Variants in CCDC39 observed in about 807,000 individuals in gnomAD.
CCDC39 encodes coiled-coil domain-containing protein 39.
CCDC39 carries 113 observed loss-of-function variants against 121.0 expected under a neutral mutation model. The observed-to-expected ratio is 0.93, with a 90% CI of 0.80 to 1.09. The LOEUF is 1.09. CCDC39 is among the 50% of genes least tolerant of loss of function. The probability of loss-of-function intolerance (pLI) is 0.00; values close to 1 mark genes in which losing one functional copy is unlikely to be tolerated. For synonymous variants in CCDC39, 349 were observed against 352.2 expected (o/e 0.99, Z 0.10); for missense variants, 1,063 against 1,074.7 (o/e 0.99, Z 0.15).
chr3:180,615,180 T>A, intron 19 of CCDC39, 103 bp from the exon 20 acceptor site: 3 of 801,182 alleles, frequency 3.7e-6, no homozygotes, highest in Non-Finnish European at 5.7e-6. Flanking sequence ...AGTAAAGACA[T>A]CAAAAAAGTA....
intron 6 of CCDC39, among the ~76,000 whole-genome samples, chr3:180,658,752 G>A (rs1308788643): frequency 6.6e-6 from 1 of 152,088 alleles, no homozygotes; most frequent in Non-Finnish European, 1.5e-5. Flanking sequence ...CCAGATACCA[G>A]AATTTAAACT....
At chr3:180,669,754 G>C (rs1560094980) in intron 1 of CCDC39, among the ~76,000 whole-genome samples, 1 of 151,656 alleles carries the variant, frequency 6.6e-6, no homozygotes, top group Non-Finnish European at 1.5e-5. Context: ...TAATTGTCCT[G>C]TTTCACAATT....
At chr3:180,670,241 C>G (rs1194418381) in intron 1 of CCDC39, among the ~76,000 whole-genome samples, 13 of 151,582 alleles carry the variant, frequency 8.6e-5, no homozygotes, top group Non-Finnish European at 1.8e-4. Context: ...ATGTAATATA[C>G]TTAATATTTT....
chr3:180,671,900 G>A (rs549367536), intron 1 of CCDC39, among the ~76,000 whole-genome samples: 1 of 152,348 alleles, frequency 6.6e-6, no homozygotes, highest in South Asian at 2.1e-4. Context: ...AAGTTCTGAT[G>A]TAGAGGCTGC....
In CCDC39 at chr3:180,659,678, T is replaced by C. The variant is rs1216869791; in HGVS notation, c.608A>G (p.Gln203Arg). 3 of 1,608,578 alleles carry C rather than the reference T, an allele frequency of 1.9e-6. No homozygotes were observed. Among genetic ancestry groups the C allele is most frequent in the African/African-American group, 2.7e-5 (2 of 74,572 alleles). ...AATAAAAATCTTCCTTAAACTAACCTGTGCGCTTATAGTCTCTGTAAGTTC... is the reference window on the plus strand; with the variant it reads ...AATAAAAATCTTCCTTAAACTAACCCGTGCGCTTATAGTCTCTGTAAGTTC... ...DNELTETISA[Q>R]LELDKAAQDF... is the part of the protein sequence containing the mutation. The change falls in exon 5 of 20, where the codon CAG (glutamine) becomes CGG (arginine). Residue 203 changes from glutamine (Q) to arginine (R), a missense_variant and splice_region_variant. By Grantham distance (43) the Gln-to-Arg change is conservative. Coordinates refer to ENST00000476379, the MANE Select transcript of CCDC39 (RefSeq NM_181426.2).
intron 1 of CCDC39, among the ~76,000 whole-genome samples, chr3:180,678,900 G>T (rs77242036): frequency 6.6e-6 from 1 of 151,974 alleles, no homozygotes; most frequent in Admixed American, 6.6e-5. Context: ...ATAAACGTGC[G>T]CAAATAACCG....
At chr3:180,675,943 G>T (rs1712186979) in intron 1 of CCDC39, among the ~76,000 whole-genome samples, 1 of 152,188 alleles carries the variant, frequency 6.6e-6, no homozygotes, top group Admixed American at 6.5e-5. Flanking sequence ...CTAGCCATAT[G>T]TAGAAAGCTG....
At chr3:180,635,529 T>C (rs892972030) in intron 13 of CCDC39, among the ~76,000 whole-genome samples, 1 of 152,164 alleles carries the variant, frequency 6.6e-6, no homozygotes, top group African/African-American at 2.4e-5. Context: ...ATGTTCCTGT[T>C]CCAAATTGGA....
chr3:180,666,194 A>G (rs1250591912), intron 1 of CCDC39, among the ~76,000 whole-genome samples: 10 of 152,088 alleles, frequency 6.6e-5, no homozygotes, highest in African/African-American at 2.4e-4. Context: ...TACTCTAGGT[A>G]CCTCATATAA....
rs1717736441 is a variant in CCDC39 at position 180,633,008 on chromosome 3, AG to A, written c.1875-1417del. Among the ~76,000 whole-genome samples the A allele has an allele frequency of 3.9e-5, 6 of 152,262 alleles. No individual in the cohort carries two copies. In the South Asian group the frequency reaches 1.2e-3, roughly 32 times the overall value. On this transcript the variant is annotated intron_variant, in intron 13 of 19. Transcript: ENST00000476379. ...ACATGACAGTGGAAGTAAATGAAAAAGAAAGGCAGTTCTACTTAGGAATGAG... is the reference window on the plus strand; with the variant it reads ...ACATGACAGTGGAAGTAAATGAAAAAAAAGGCAGTTCTACTTAGGAATGAG...
At position 180,660,732 on chromosome 3, in the gene CCDC39, A is replaced by G. The variant is rs1711722990; in HGVS notation, c.358-4T>C. 7 of 1,595,276 alleles carry G rather than the reference A, an allele frequency of 4.4e-6. No homozygotes were observed. Among genetic ancestry groups the G allele is most frequent in the Non-Finnish European group, 6.0e-6 (7 of 1,169,566 alleles). On this transcript the variant is annotated splice_polypyrimidine_tract_variant and splice_region_variant and intron_variant, in intron 3 of 19. Coordinates refer to ENST00000476379, the MANE Select transcript of CCDC39 (RefSeq NM_181426.2). The stretch of plus-strand genomic sequence containing the variant: ...GAGTGGCTTTAAATATGCCATTCTA[A>G]TTTCCAAAGAGAGAGAGAAAAGGGG...
chr3:180,616,525 G>T lies in CCDC39; in HGVS notation c.2577C>A (p.Tyr859Ter). 2 of 1,549,698 alleles carry T rather than the reference G, an allele frequency of 1.3e-6. No homozygotes were observed. Among genetic ancestry groups the T allele is most frequent in the Non-Finnish European group, 1.7e-6 (2 of 1,149,832 alleles). The change falls in exon 18 of 20, where the codon TAC (tyrosine) becomes TAA (stop). Residue 859 changes from tyrosine to a stop codon, truncating the protein, a stop_gained. Coordinates refer to ENST00000476379, the MANE Select transcript of CCDC39 (RefSeq NM_181426.2). LOFTEE classifies it high-confidence loss of function. ...GAAGGTGCTGTATTACCTGTTGAAA[G>T]TATGTTTGAAGGATAATACGGATCT... ...NTEIRIILQT[Y>*]FQQSGLELPT...
chr3:180,632,223 G>A (rs1329440143), intron 13 of CCDC39, among the ~76,000 whole-genome samples: 2 of 152,222 alleles, frequency 1.3e-5, no homozygotes, highest in Non-Finnish European at 2.9e-5. Context: ...CAAACAGGGC[G>A]GTTGAGAATT....
At chr3:180,658,388 G>A (rs535768304) in intron 6 of CCDC39, among the ~76,000 whole-genome samples, 12 of 151,714 alleles carry the variant, frequency 7.9e-5, no homozygotes, top group Non-Finnish European at 1.5e-4. Flanking sequence ...GAGGTCAGGA[G>A]ATCGAGACCA....
chr3:180,661,963 A>G lies in CCDC39; in HGVS notation c.255T>C (p.His85=), dbSNP rs769151570. The G allele has an allele frequency of 4.4e-5, 69 of 1,559,368 alleles. No homozygotes were observed. In the South Asian group the frequency reaches 7.6e-4, roughly 17 times the overall value. The change falls in exon 3 of 20, where the codon CAT becomes CAC. Residue 85 remains histidine (H), a synonymous_variant. Transcript: ENST00000476379. The part of the protein sequence containing the change: ...ARERETESEE[H]FKAIAQRELG... ...ATTCTCTTTGAGCAATGGCCTTAAA[A>G]TGTTCTTCACTTTCAGTCTCACGCT...
At chr3:180,615,120 AT>A in intron 19 of CCDC39, 43 bp from the exon 20 acceptor site, 1 of 1,432,312 alleles carries the variant, frequency 7.0e-7, no homozygotes, top group Non-Finnish European at 9.4e-7. Flanking sequence ...CAAAGTTTAT[AT>A]TTTAGTATAG....
chr3:180,677,152 AATAATAATAATAATTTT>A (rs1197601669), intron 1 of CCDC39, among the ~76,000 whole-genome samples: 22 of 115,010 alleles, frequency 1.9e-4, no homozygotes, highest in African/African-American at 7.4e-4. Context: ...TTATAATAAT[AATAATAATAATAATTTT>A]ATATATATAT....
At chr3:180,625,653 G>A (rs1266406835) in intron 14 of CCDC39, among the ~76,000 whole-genome samples, 1 of 152,044 alleles carries the variant, frequency 6.6e-6, no homozygotes, top group East Asian at 1.9e-4. Flanking sequence ...CCTAGGAGAG[G>A]ATTTTCTCCT....
At chr3:180,654,974 T>G in intron 6 of CCDC39, 21 bp from the exon 7 acceptor site, 1 of 1,412,210 alleles carries the variant, frequency 7.1e-7, no homozygotes, top group South Asian at 1.5e-5. Context: ...AACAAATATG[T>G]TTACTTAAAT....
Sources: gnomAD v4.1 joint callset for allele counts (sites outside exome capture counted in the v4.1 genomes callset) on GRCh38, gnomAD v4.1.1 for gene constraint, MANE v1.5 for transcripts, NCBI Gene and HGNC (gene_info 2026-07-23, HGNC 2026-07-21) for gene names.